PDSS2: variants seen among roughly 807,000 people sequenced by gnomAD.
PDSS2 encodes the protein decaprenyl diphosphate synthase subunit 2, also known as all trans-polyprenyl-diphosphate synthase PDSS2.
PDSS2 carries 31 observed loss-of-function variants against 44.5 expected under a neutral mutation model. The ratio of observed to expected loss-of-function variants is 0.70; its 90% CI spans 0.52 to 0.94. The LOEUF is 0.94. Among genes scored for constraint, PDSS2 ranks in the 40% least tolerant of loss-of-function variants. The pLI, the probability that PDSS2 is intolerant of heterozygous loss-of-function variation, is 0.00. For synonymous variants in PDSS2, 157 were observed against 180.3 expected, an observed-to-expected ratio of 0.87 and a Z score of 1.03; for missense variants, 452 against 482.2, an observed-to-expected ratio of 0.94 and a Z score of 0.59.
intron 2 of PDSS2, among the ~76,000 whole-genome samples, chr6:107,327,998 T>C (rs1187225539): frequency 1.3e-5 from 2 of 152,214 alleles, no homozygotes; most frequent in Non-Finnish European, 2.9e-5. Context: ...AAAACACTTA[T>C]GTTATACAGA....
intron 4 of PDSS2, among the ~76,000 whole-genome samples, chr6:107,239,634 C>CTTTTTTTTTT (rs1177940710): frequency 2.6e-5 from 2 of 76,926 alleles, no homozygotes; most frequent in Admixed American, 1.8e-4. Flanking sequence ...TGTACTCTAC[C>CTTTTTTTTTT]TTTTTTTTTT....
At chr6:107,346,487 C>A (rs992615684) in intron 1 of PDSS2, among the ~76,000 whole-genome samples, 2 of 152,122 alleles carry the variant, frequency 1.3e-5, no homozygotes, top group African/African-American at 4.8e-5. Context: ...TTTGATTATT[C>A]TTCTTCCTTG....
chr6:107,247,973 C>T (rs529757003), intron 3 of PDSS2, among the ~76,000 whole-genome samples: 1 of 151,318 alleles, frequency 6.6e-6, no homozygotes, highest in East Asian at 1.9e-4. Flanking sequence ...GAGCCAAGAT[C>T]GCAGCGCCAC....
intron 2 of PDSS2, among the ~76,000 whole-genome samples, chr6:107,311,486 G>A (rs1295290796): frequency 6.6e-6 from 1 of 152,074 alleles, no homozygotes; most frequent in Non-Finnish European, 1.5e-5. Flanking sequence ...GCAATTATAG[G>A]CATGAGCCAT....
At chr6:107,193,723 T>A in intron 7 of PDSS2, 99 bp downstream of exon 7, 1 of 801,422 alleles carries the variant, frequency 1.2e-6, no homozygotes, top group Non-Finnish European at 2.3e-6. Flanking sequence ...CCTTCAGCTC[T>A]CAATGTGATC....
intron 2 of PDSS2, among the ~76,000 whole-genome samples, chr6:107,314,669 G>A (rs757294723): frequency 3.3e-5 from 5 of 152,156 alleles, no homozygotes; most frequent in Admixed American, 6.5e-5. Context: ...CTTCATTTGC[G>A]TCTCATTTAA....
At chr6:107,415,631 T>C (rs879480673) in intron 1 of PDSS2, among the ~76,000 whole-genome samples, 1 of 152,080 alleles carries the variant, frequency 6.6e-6, no homozygotes, top group Non-Finnish European at 1.5e-5. Flanking sequence ...ATCTAGAAGG[T>C]TGGATATATA....
intron 7 of PDSS2, among the ~76,000 whole-genome samples, chr6:107,163,805 G>T (rs562111084): frequency 1.3e-5 from 2 of 152,080 alleles, no homozygotes; most frequent in Non-Finnish European, 2.9e-5. Context: ...GTTTCACCAC[G>T]TTGGCCAGGC....
intron 3 of PDSS2, among the ~76,000 whole-genome samples, chr6:107,259,146 C>T (rs925448502): frequency 3.3e-5 from 5 of 152,022 alleles, no homozygotes; most frequent in African/African-American, 9.7e-5. Flanking sequence ...ATAGTAAGCC[C>T]TCAAAAATAT....
At chr6:107,334,685 T>C (rs1230387933) in intron 1 of PDSS2, among the ~76,000 whole-genome samples, 1 of 147,286 alleles carries the variant, frequency 6.8e-6, no homozygotes, top group Non-Finnish European at 1.5e-5. Context: ...GAACTTTAGG[T>C]ATGCACCACG....
intron 4 of PDSS2, among the ~76,000 whole-genome samples, chr6:107,235,976 T>C (rs759305345): frequency 7.9e-5 from 12 of 151,982 alleles, no homozygotes; most frequent in Non-Finnish European, 1.6e-4. Context: ...ACTATGTAAT[T>C]GAGGTCCCTA....
chr6:107,344,341 A>T (rs1164037075), intron 1 of PDSS2, among the ~76,000 whole-genome samples: 1 of 152,240 alleles, frequency 6.6e-6, no homozygotes, highest in African/African-American at 2.4e-5. Context: ...ATATAAAATT[A>T]GCAGAAGAAC....
intron 2 of PDSS2, among the ~76,000 whole-genome samples, chr6:107,286,175 A>ACCTT (rs1776143329): frequency 6.6e-6 from 1 of 151,418 alleles, no homozygotes; most frequent in African/African-American, 2.4e-5. Flanking sequence ...ACAAAGGATA[A>ACCTT]ATTTGAGGAG....
chr6:107,374,967 T>G (rs1456457250), intron 1 of PDSS2, among the ~76,000 whole-genome samples: 1 of 152,122 alleles, frequency 6.6e-6, no homozygotes, highest in East Asian at 1.9e-4. Context: ...AATCCCCAAA[T>G]ATTTGAAAAT....
At chr6:107,186,407 C>T (rs1339867265) in intron 7 of PDSS2, among the ~76,000 whole-genome samples, 1 of 152,098 alleles carries the variant, frequency 6.6e-6, no homozygotes, top group East Asian at 1.9e-4. Context: ...ACTACCTCAC[C>T]ATCTGAAACC....
intron 2 of PDSS2, among the ~76,000 whole-genome samples, chr6:107,286,221 C>A (rs1776145717): frequency 6.6e-6 from 1 of 150,782 alleles, no homozygotes; most frequent in African/African-American, 2.4e-5. Flanking sequence ...CTAAAATATA[C>A]CATAGGCTGG....
intron 2 of PDSS2, among the ~76,000 whole-genome samples, chr6:107,328,061 G>GT (rs1477668844): frequency 1.3e-5 from 2 of 152,224 alleles, no homozygotes; most frequent in Non-Finnish European, 2.9e-5. Context: ...CAAGGCATTG[G>GT]TGAGTTGTAA....
chr6:107,402,742 G>T (rs894633860), intron 1 of PDSS2, among the ~76,000 whole-genome samples: 1 of 150,842 alleles, frequency 6.6e-6, no homozygotes. Flanking sequence ...GCAGTTTATA[G>T]AACTATAAAC....
intron 3 of PDSS2, among the ~76,000 whole-genome samples, chr6:107,261,578 C>CTTTTTTTTTTT (rs36106088): frequency 8.9e-6 from 1 of 112,838 alleles, no homozygotes. Flanking sequence ...TCTTTTCTTT[C>CTTTTTTTTTTT]TTTTTTTTTT....
Sources: gnomAD v4.1 joint callset for allele counts (sites outside exome capture counted in the v4.1 genomes callset) on GRCh38, gnomAD v4.1.1 for gene constraint, MANE v1.5 for transcripts, NCBI Gene and HGNC (gene_info 2026-07-23, HGNC 2026-07-21) for gene names.